TTC6: variants seen among roughly 807,000 people sequenced by gnomAD.
TTC6 encodes the protein tetratricopeptide repeat protein 6.
A neutral mutation model predicts 210.4 loss-of-function variants in TTC6; 172 were observed. The observed-to-expected ratio is 0.82, with a 90% CI of 0.72 to 0.93. The LOEUF is 0.93. TTC6 is among the 40% of genes least tolerant of loss of function. The probability of loss-of-function intolerance (pLI) is 0.00; values close to 1 mark genes in which losing one functional copy is unlikely to be tolerated. For synonymous variants in TTC6, 804 were observed against 819.6 expected, an observed-to-expected ratio of 0.98 and a Z score of 0.32; for missense variants, 2,414 against 2,318.1, an observed-to-expected ratio of 1.04 and a Z score of -0.85.
chr14:37,609,678 A>G (rs1450247553), intron 2 of TTC6, among the ~76,000 whole-genome samples: 2 of 152,156 alleles, frequency 1.3e-5, no homozygotes, highest in South Asian at 2.1e-4. Flanking sequence ...TGACTATATG[A>G]TAGACATATT....
At chr14:37,828,736 TC>T (rs571059854) in intron 29 of TTC6, among the ~76,000 whole-genome samples, 1,593 of 152,170 alleles carry the variant, frequency 0.01, 34 homozygotes, top group African/African-American at 0.036. Flanking sequence ...TTTGAATATG[TC>T]AGGGTCATTC....
chr14:37,754,613 A>G (rs1156487253), intron 14 of TTC6, among the ~76,000 whole-genome samples: 2 of 151,928 alleles, frequency 1.3e-5, no homozygotes, highest in Admixed American at 1.3e-4. Context: ...TTGTATTTTT[A>G]GTAGAGACAG....
At chr14:37,637,999 T>A (rs981064626) in intron 1 of TTC6, among the ~76,000 whole-genome samples, 7 of 152,192 alleles carry the variant, frequency 4.6e-5, no homozygotes, top group African/African-American at 1.7e-4. Flanking sequence ...TTGCTCAGAA[T>A]AGAAAATTTA....
Position 37,804,663 on chromosome 14 carries a change from C to CT in TTC6, c.4030-11dup. The stretch of plus-strand genomic sequence containing the variant: ...AGAAACATTTCTTGCCCCCTCCCTG[C>CT]TTTTTTATCATTATAGGAAGCTGTG... On this transcript the variant is annotated splice_polypyrimidine_tract_variant and intron_variant, in intron 20 of 30. Transcript: ENST00000553443. 1 of 1,604,578 alleles carries CT rather than the reference C, an allele frequency of 6.2e-7. No homozygotes were observed. The highest frequency in any genetic ancestry group is 8.5e-7 in the Non-Finnish European group (1 of 1,177,214).
chr14:37,825,899 G>A (rs1239621025), intron 27 of TTC6, among the ~76,000 whole-genome samples: 1 of 152,040 alleles, frequency 6.6e-6, no homozygotes, highest in Non-Finnish European at 1.5e-5. Context: ...AAAACCACTG[G>A]CGTTTCACAT....
At chr14:37,787,485 C>T in exon 15 of TTC6, 1 of 1,526,738 alleles carries the variant, frequency 6.5e-7, no homozygotes, top group Non-Finnish European at 8.8e-7. Context: ...CGAGGGATTG[C>T]ATATGTTAAA....
chr14:37,667,215 T>A (rs890780294), intron 1 of TTC6, among the ~76,000 whole-genome samples: 1 of 150,102 alleles, frequency 6.7e-6, no homozygotes, highest in South Asian at 2.1e-4. Flanking sequence ...GGAGATTAGA[T>A]TGGGGGAGAA....
rs561577030 is a variant in TTC6 at position 37,607,894 on chromosome 14, G to GC, written c.-155+1155dup. On this transcript the variant is annotated intron_variant, in intron 2 of 2. Coordinates refer to the TTC6 transcript ENST00000556845. ...TTTGCTATATGATATCTAGCAGGATGCCCTCAGAAATCTATAAGTAATCCT... is the reference window on the plus strand; with the variant it reads ...TTTGCTATATGATATCTAGCAGGATGCCCCTCAGAAATCTATAAGTAATCCT... Among the ~76,000 whole-genome samples the GC allele has an allele frequency of 1.3e-4, 20 of 152,304 alleles. No homozygotes were observed. The South Asian group carries it at 4.1e-3, about 32-fold the overall frequency.
chr14:37,836,881 A>G (rs1238974059), intron 29 of TTC6, among the ~76,000 whole-genome samples: 1 of 152,210 alleles, frequency 6.6e-6, no homozygotes, highest in Non-Finnish European at 1.5e-5. Context: ...GGCTTCTTTT[A>G]TCTTTAGTGA....
intron 2 of TTC6, 107 bp downstream of exon 4, chr14:37,680,368 T>C: frequency 1.4e-6 from 1 of 709,496 alleles, no homozygotes; most frequent in Non-Finnish European, 2.3e-6. Context: ...TGATGTATTT[T>C]AGAAGTGTGT....
At chr14:37,756,261 C>T (rs894724562) in intron 14 of TTC6, among the ~76,000 whole-genome samples, 5 of 152,046 alleles carry the variant, frequency 3.3e-5, no homozygotes, top group Admixed American at 1.3e-4. Context: ...GAGATGATGG[C>T]GTTTTCTAAA....
chr14:37,659,616 G>A (rs1057191102), intron 1 of TTC6, among the ~76,000 whole-genome samples: 1 of 151,938 alleles, frequency 6.6e-6, no homozygotes, highest in Non-Finnish European at 1.5e-5. Context: ...CAACCTCCCA[G>A]GTTCAAGCGA....
At chr14:37,680,976 C>T (rs960643715) in intron 2 of TTC6, among the ~76,000 whole-genome samples, 3 of 152,044 alleles carry the variant, frequency 2.0e-5, no homozygotes, top group African/African-American at 7.2e-5. Context: ...TTTTTCTTTT[C>T]ACAAAAGCTA....
At chr14:37,802,061 G>A (rs753719456) in intron 20 of TTC6, 1 of 152,164 alleles carries the variant, frequency 6.6e-6, no homozygotes, top group Non-Finnish European at 1.5e-5. Context: ...ATATTATGCA[G>A]CATAAAAAGT....
At chr14:37,710,706 A>G (rs2095843245) in intron 5 of TTC6, among the ~76,000 whole-genome samples, 1 of 151,990 alleles carries the variant, frequency 6.6e-6, no homozygotes, top group Non-Finnish European at 1.5e-5. Context: ...AGGGGCCCAA[A>G]TTCTGTTTTT....
chr14:37,740,095 T>C (rs1002079448), intron 10 of TTC6, among the ~76,000 whole-genome samples: 5 of 145,786 alleles, frequency 3.4e-5, no homozygotes, highest in Admixed American at 7.2e-5. Flanking sequence ...ACCCAGGAGG[T>C]GGAGCTTGCA....
At chr14:37,713,972 A>G (rs1246234717) in intron 5 of TTC6, among the ~76,000 whole-genome samples, 1 of 152,146 alleles carries the variant, frequency 6.6e-6, no homozygotes, top group African/African-American at 2.4e-5. Flanking sequence ...GACTGTGTAT[A>G]TATTCTTAGA....
intron 10 of TTC6, among the ~76,000 whole-genome samples, chr14:37,741,477 A>G (rs1038514991): frequency 4.0e-5 from 6 of 151,632 alleles, no homozygotes; most frequent in African/African-American, 9.7e-5. Flanking sequence ...TTTAGTAGAG[A>G]CAGGGTTTTG....
chr14:37,839,837 A>G (rs1668434216), intron 29 of TTC6, among the ~76,000 whole-genome samples: 1 of 152,194 alleles, frequency 6.6e-6, no homozygotes, highest in African/African-American at 2.4e-5. Flanking sequence ...AGGTGGAAGG[A>G]AGGGATCTAG....
Sources: allele counts gnomAD v4.1 joint callset (sites outside exome capture counted in the v4.1 genomes callset), GRCh38; gene constraint gnomAD v4.1.1; transcripts MANE v1.5; gene names NCBI Gene and HGNC (gene_info 2026-07-23, HGNC 2026-07-21).